The following NOCT variants were observed in gnomAD, a reference collection of about 807,000 sequenced individuals.
NOCT encodes the protein CCR4 carbon catabolite repression 4-like.
NOCT carries 18 observed loss-of-function variants against 35.0 expected under a neutral mutation model. That is an observed-to-expected ratio of 0.51 (90% confidence interval 0.36 to 0.76). The LOEUF is 0.76. NOCT is among the 30% of genes least tolerant of loss of function. The pLI is 0.01. For synonymous variants in NOCT, 235 were observed against 226.3 expected (o/e 1.04, Z -0.34); for missense variants, 479 against 541.0 (o/e 0.89, Z 1.14).
In NOCT at chr4:139,043,216, T is replaced by C. The variant is rs747148193; in HGVS notation, c.333T>C (p.Leu111=). The part of the protein sequence containing the change: ...HLEPIDPKEL[L]EECRAVLHTR... ...AGCCCATTGATCCTAAAGAGCTTCT[T>C]GAGGAATGCAGGGCCGTCCTGCACA... The change falls in exon 2 of 3, where the codon CTT becomes CTC. Residue 111 remains leucine, a synonymous_variant. Transcript: ENST00000280614. 23 of 1,614,174 alleles carry C rather than the reference T, an allele frequency of 1.4e-5. No individual in the cohort carries two copies. Among genetic ancestry groups the C allele is most frequent in the Non-Finnish European group, 1.9e-5 (23 of 1,180,036 alleles).
At chr4:139,024,837 C>T (rs1223383547) in intron 1 of NOCT, among the ~76,000 whole-genome samples, 1 of 152,184 alleles carries the variant, frequency 6.6e-6, no homozygotes, top group Non-Finnish European at 1.5e-5. Context: ...CTGCTGAGCT[C>T]AAGTGATCGG....
intron 1 of NOCT, among the ~76,000 whole-genome samples, chr4:139,017,482 C>T (rs1403324817): frequency 1.3e-5 from 2 of 150,888 alleles, no homozygotes; most frequent in East Asian, 4.0e-4. Flanking sequence ...CCCGCTTTGG[C>T]CTCCCAAAGT....
intron 1 of NOCT, among the ~76,000 whole-genome samples, chr4:139,025,209 G>A (rs938503017): frequency 1.3e-5 from 2 of 152,036 alleles, no homozygotes; most frequent in South Asian, 2.1e-4. Context: ...CACCCTTCCC[G>A]GCTTTGTCTG....
rs535854161 is a variant in NOCT, at chr4:139,021,715, G to A, written c.190+5544G>A. Among the ~76,000 whole-genome samples the A allele has an allele frequency of 7.3e-5, 11 of 151,386 alleles. No individual in the cohort carries two copies. The South Asian group carries it at 8.4e-4, about 12-fold the overall frequency. On this transcript the variant is annotated intron_variant, in intron 1 of 2. Transcript: ENST00000280614. ...TTGGAGTTAGGAAGGGAGATACAGC[G>A]TCTGTATTTGCTGTCAGGAGTCACT...
At chr4:139,038,290 TAGA>T (rs1726770996) in intron 1 of NOCT, among the ~76,000 whole-genome samples, 1 of 152,172 alleles carries the variant, frequency 6.6e-6, no homozygotes, top group African/African-American at 2.4e-5. Flanking sequence ...GAACTGGGAC[TAGA>T]ATTCTCTTTT....
At position 139,045,482 on chromosome 4, in the gene NOCT, C is replaced by CT; in HGVS notation, c.*12dup. On this transcript the variant is annotated 3_prime_UTR_variant, in exon 3 of 3. Coordinates refer to ENST00000280614, the MANE Select transcript of NOCT (RefSeq NM_012118.4). ...TCTGATGGACTTTCATAAATACTTGCTTTTGTCTTTTTAATCACAGGAGTC... is the reference window on the plus strand; with the variant it reads ...TCTGATGGACTTTCATAAATACTTGCTTTTTGTCTTTTTAATCACAGGAGTC... The CT allele has an allele frequency of 1.1e-6, 1 of 875,424 alleles. No homozygotes were observed. The highest frequency in any genetic ancestry group is 1.7e-6 in the Non-Finnish European group (1 of 594,836). The allele number at this position is 875,424 out of a possible 1,614,324, so 54.2% of individuals were successfully genotyped here.
At chr4:139,030,119 T>C (rs950016587) in intron 1 of NOCT, among the ~76,000 whole-genome samples, 10 of 152,150 alleles carry the variant, frequency 6.6e-5, no homozygotes, top group African/African-American at 1.9e-4. Flanking sequence ...CCTCAGGTGA[T>C]CCACCTGCCT....
Position 139,043,300 on chromosome 4 carries a change from C to T in NOCT, c.417C>T (p.Thr139=). The T allele has an allele frequency of 1.2e-6, 2 of 1,614,092 alleles. No individual in the cohort carries two copies. Among genetic ancestry groups the T allele is most frequent in the Non-Finnish European group, 1.7e-6 (2 of 1,179,996 alleles). ...ATCTGAGGACAGATTGCCCTAGTAC[C>T]CACCCACCTATCAGGGTTATGCAAT... ...FVDLRTDCPS[T]HPPIRVMQWN... Residue 139 remains threonine (T), a synonymous_variant, in exon 2 of 3, where the codon ACC becomes ACT. Coordinates refer to ENST00000280614, the MANE Select transcript of NOCT (RefSeq NM_012118.4).
At position 139,044,978 on chromosome 4, in the gene NOCT, T is replaced by C. The variant is rs766293473; in HGVS notation, c.800T>C (p.Ile267Thr). The change falls in exon 3 of 3, where the codon ATT (isoleucine) becomes ACT (threonine). Residue 267 changes from isoleucine (I) to threonine (T), a missense_variant. By Grantham distance (89) the Ile-to-Thr change is moderately conservative (BLOSUM62 -1). This residue lies in a region of NOCT where 214 missense variants were observed against 284.0 expected (regional missense o/e 0.75). Coordinates refer to ENST00000280614, the MANE Select transcript of NOCT (RefSeq NM_012118.4). The stretch of plus-strand genomic sequence containing the variant: ...ACATTGAAAACCAACCAGGTGGCCA[T>C]TGCACAGACCCTGGAGTGCAAGGAG... Reference protein sequence around the residue: ...AMTLKTNQVAIAQTLECKESG... With the variant: ...AMTLKTNQVATAQTLECKESG... The C allele has an allele frequency of 3.3e-5, 53 of 1,614,088 alleles. No individual in the cohort carries two copies. Among genetic ancestry groups the C allele is most frequent in the South Asian group, 4.4e-5 (4 of 91,092 alleles).
In NOCT at chr4:139,045,619, G is replaced by C. The variant is rs28646895; in HGVS notation, c.*145G>C. On this transcript the variant is annotated 3_prime_UTR_variant, in exon 3 of 3. Transcript: ENST00000280614. ...GCAAGATCCGCCTCCCGGGTTCATG[G>C]CATTCTCCTGCCTCAGCCTCCAGAG... 29,898 of 518,920 alleles carry C rather than the reference G, an allele frequency of 0.058. 1,029 individuals are homozygous for C. Among genetic ancestry groups the C allele is most frequent in the African/African-American group, 0.09 (4,410 of 48,856 alleles). 32.1% of individuals were successfully genotyped at this position (518,920 alleles called of 1,614,324 possible).
At chr4:139,031,039 A>C (rs990548285) in intron 1 of NOCT, among the ~76,000 whole-genome samples, 14 of 152,164 alleles carry the variant, frequency 9.2e-5, no homozygotes, top group African/African-American at 1.9e-4. Flanking sequence ...CTGTGAGAGA[A>C]GTAATTAGAC....
chr4:139,026,572 CAG>C (rs1347859784), intron 1 of NOCT, among the ~76,000 whole-genome samples: 4 of 145,014 alleles, frequency 2.8e-5, no homozygotes, highest in Admixed American at 1.4e-4. Flanking sequence ...TTTTTTGAGA[CAG>C]AGTTTCACTC....
intron 1 of NOCT, among the ~76,000 whole-genome samples, chr4:139,026,862 C>CTTTTTTTTTTTTT (rs1165378672): frequency 3.3e-5 from 4 of 120,246 alleles, no homozygotes; most frequent in African/African-American, 1.0e-4. Context: ...TTTTTTTTTT[C>CTTTTTTTTTTTTT]TTTTTTTTTT....
chr4:139,035,208 C>A (rs1726708594), intron 1 of NOCT, among the ~76,000 whole-genome samples: 4 of 152,040 alleles, frequency 2.6e-5, no homozygotes, highest in Admixed American at 2.6e-4. Context: ...CTCACTGCAG[C>A]CTCAATCTCC....
At chr4:139,044,167 G>A (rs1361558308) in intron 2 of NOCT, among the ~76,000 whole-genome samples, 2 of 150,328 alleles carry the variant, frequency 1.3e-5, no homozygotes, top group African/African-American at 4.9e-5. Context: ...GGGAGATTCC[G>A]TGACTTACCA....
At chr4:139,040,873 T>C (rs1387521817) in intron 1 of NOCT, among the ~76,000 whole-genome samples, 1 of 151,930 alleles carries the variant, frequency 6.6e-6, no homozygotes, top group Non-Finnish European at 1.5e-5. Flanking sequence ...TTGGCTGTTT[T>C]TTGTTTGTTT....
At chr4:139,039,384 T>C (rs1726794626) in intron 1 of NOCT, among the ~76,000 whole-genome samples, 1 of 151,678 alleles carries the variant, frequency 6.6e-6, no homozygotes, top group Non-Finnish European at 1.5e-5. Context: ...TTTTTTTTAC[T>C]AGACCACTTG....
chr4:139,033,291 G>C lies in NOCT; in HGVS notation c.191-9783G>C, dbSNP rs549360648. Among the ~76,000 whole-genome samples, 4 of 152,094 alleles carry C rather than the reference G, an allele frequency of 2.6e-5. No individual in the cohort carries two copies. In the East Asian group the frequency reaches 5.8e-4, roughly 22 times the overall value. On this transcript the variant is annotated intron_variant, in intron 1 of 2. Coordinates refer to ENST00000280614, the MANE Select transcript of NOCT (RefSeq NM_012118.4). Reference sequence around the variant, plus strand: ...AGGCAGGAGAATTGCTTGAACCCGGGGGGGCGGAGGTTGCAGTGAGCTGAG... The same window carrying C: ...AGGCAGGAGAATTGCTTGAACCCGGCGGGGCGGAGGTTGCAGTGAGCTGAG...
At chr4:139,016,326 C>G (rs535657041) in intron 1 of NOCT, among the ~76,000 whole-genome samples, 155 bp downstream of exon 1, 1 of 152,124 alleles carries the variant, frequency 6.6e-6, no homozygotes, top group Non-Finnish European at 1.5e-5. Context: ...TCTGCGTTCC[C>G]TTTTTCCTCT....
Sources: allele counts gnomAD v4.1 joint callset (sites outside exome capture counted in the v4.1 genomes callset), GRCh38; gene constraint gnomAD v4.1.1; regional missense constraint gnomAD v4.1.1; transcripts MANE v1.5; gene names NCBI Gene and HGNC (gene_info 2026-07-23, HGNC 2026-07-21).